P2RY8: variants seen among roughly 807,000 people sequenced by gnomAD.
P2RY8 encodes S-geranylgeranyl-glutathione receptor P2RY8.
P2RY8 carries 6 observed loss-of-function variants against 10.0 expected under a neutral mutation model. The observed-to-expected ratio is 0.60, with a 90% CI of 0.33 to 1.19. The LOEUF (loss-of-function observed/expected upper bound fraction) is 1.19. Among genes scored for constraint, P2RY8 ranks in the 50% most tolerant of loss-of-function variants. P2RY8 has a pLI of 0.04. For synonymous variants in P2RY8, 276 were observed against 252.5 expected, an observed-to-expected ratio of 1.09 and a Z score of -0.88; for missense variants, 456 against 542.0, an observed-to-expected ratio of 0.84 and a Z score of 1.58.
At chrX:1,531,396 C>G (rs185576966) in intron 1 of P2RY8, among the ~76,000 whole-genome samples, 2 of 152,154 alleles carry the variant, frequency 1.3e-5, no homozygotes, top group African/African-American at 4.8e-5. Flanking sequence ...CCTGCATGCC[C>G]TCTCCATCAG....
At chrX:1,520,257 T>G (rs2092381284) in intron 1 of P2RY8, among the ~76,000 whole-genome samples, 1 of 151,578 alleles carries the variant, frequency 6.6e-6, no homozygotes, top group African/African-American at 2.4e-5. Context: ...ATCCCAATAT[T>G]CTCTCTGGTC....
intron 1 of P2RY8, among the ~76,000 whole-genome samples, chrX:1,507,521 G>T (rs2092245750): frequency 6.6e-6 from 1 of 152,244 alleles, no homozygotes; most frequent in East Asian, 1.9e-4. Flanking sequence ...GCCGACGGTG[G>T]TTCGGAGCTG....
intron 1 of P2RY8, among the ~76,000 whole-genome samples, chrX:1,530,259 A>G (rs2092464974): frequency 6.7e-6 from 1 of 148,724 alleles, no homozygotes. Flanking sequence ...TCTATTACCT[A>G]TCATCACCAT....
At chrX:1,510,866 G>A (rs1364127428) in intron 1 of P2RY8, among the ~76,000 whole-genome samples, 1 of 151,584 alleles carries the variant, frequency 6.6e-6, no homozygotes, top group Admixed American at 6.6e-5. Context: ...GCAACAGAGT[G>A]TGACTCCGTC....
chrX:1,513,476 G>A (rs1195213085), intron 1 of P2RY8, among the ~76,000 whole-genome samples: 2 of 151,444 alleles, frequency 1.3e-5, no homozygotes, highest in Non-Finnish European at 2.9e-5. Context: ...CCCTGGGCTT[G>A]TGGCCGCATC....
intron 1 of P2RY8, among the ~76,000 whole-genome samples, chrX:1,502,528 G>C (rs1176802324): frequency 1.3e-5 from 2 of 152,236 alleles, no homozygotes; most frequent in South Asian, 4.1e-4. Flanking sequence ...CACGTGAGCC[G>C]CCCCTGTCCC....
intron 1 of P2RY8, among the ~76,000 whole-genome samples, chrX:1,534,963 C>A (rs1205133649): frequency 6.6e-6 from 1 of 152,014 alleles, no homozygotes; most frequent in Non-Finnish European, 1.5e-5. Context: ...GGGGACCTGG[C>A]AGAAGGCATC....
chrX:1,488,109 T>A (rs1342959266), intron 1 of P2RY8, among the ~76,000 whole-genome samples: 11 of 131,250 alleles, frequency 8.4e-5, no homozygotes, highest in African/African-American at 2.9e-4. Context: ...AAACTCTGTC[T>A]AAAAAAAAAA....
intron 1 of P2RY8, among the ~76,000 whole-genome samples, chrX:1,475,669 G>A (rs1413414803): frequency 6.6e-6 from 1 of 151,980 alleles, no homozygotes; most frequent in Non-Finnish European, 1.5e-5. Flanking sequence ...AGCATGAAAA[G>A]CACAAGATTA....
At chrX:1,505,127 G>T (rs1224166906) in intron 1 of P2RY8, among the ~76,000 whole-genome samples, 9 of 96,338 alleles carry the variant, frequency 9.3e-5, no homozygotes, top group African/African-American at 3.2e-4. Flanking sequence ...GACAGAGAGA[G>T]ACTCTGTCTC....
intron 1 of P2RY8, among the ~76,000 whole-genome samples, chrX:1,468,655 C>T (rs2091727271): frequency 6.6e-6 from 1 of 151,678 alleles, no homozygotes. Context: ...CCAGAAATTT[C>T]TGGGCACTGA....
chrX:1,498,142 C>A (rs2092134987), intron 1 of P2RY8, among the ~76,000 whole-genome samples: 1 of 152,046 alleles, frequency 6.6e-6, no homozygotes, highest in Non-Finnish European at 1.5e-5. Flanking sequence ...CGCGGTGGCT[C>A]ACGCCTGTCA....
intron 1 of P2RY8, among the ~76,000 whole-genome samples, chrX:1,518,425 C>CAA (rs545400196): frequency 8.0e-4 from 107 of 134,474 alleles, no homozygotes; most frequent in Admixed American, 2.0e-3. Flanking sequence ...GACTCCGTCT[C>CAA]AAAAAAAAAA....
chrX:1,464,716 TA>T lies in P2RY8; in HGVS notation c.*762del. ...CTATCAGGGACTCACAGAAGCAGAA[TA>T]GGGGTGGGGTCCCACCAAGCCAGGC... On this transcript the variant is annotated 3_prime_UTR_variant, in exon 2 of 2. Transcript: ENST00000381297. The T allele has an allele frequency of 4.3e-6, 1 of 233,132 alleles. No individual in the cohort carries two copies. The highest frequency in any genetic ancestry group is 8.5e-6 in the Non-Finnish European group (1 of 118,124). The allele number at this position is 233,132 out of a possible 1,614,324, so 14.4% of individuals were successfully genotyped here.
In P2RY8 at chrX:1,484,704, C is replaced by G. The variant is rs570353391; in HGVS notation, c.-24-18122G>C. ...GATCACACCACTGCACTCCAGCCTG[C>G]GTGACAGAGCAAAACCCTGTAAAAA... On this transcript the variant is annotated intron_variant, in intron 1 of 1. Coordinates refer to ENST00000381297, the MANE Select transcript of P2RY8 (RefSeq NM_178129.5). Among the ~76,000 whole-genome samples, 65 of 107,506 alleles carry G rather than the reference C, an allele frequency of 6.0e-4. 2 individuals are homozygous for G. In the South Asian group the frequency reaches 0.02, roughly 33 times the overall value. The allele number at this position is 107,506 out of a possible 152,430, so 70.5% of individuals were successfully genotyped here. A position where few individuals can be genotyped will look rare whatever the true frequency, so the allele number is the denominator to read the frequency against.
chrX:1,483,772 C>G (rs1351902766), intron 1 of P2RY8, among the ~76,000 whole-genome samples: 1 of 152,074 alleles, frequency 6.6e-6, no homozygotes, highest in Non-Finnish European at 1.5e-5. Flanking sequence ...TCCCCAAAAC[C>G]CAAAGTTGGA....
chrX:1,509,038 C>T (rs867763009), intron 1 of P2RY8, among the ~76,000 whole-genome samples: 15,814 of 113,904 alleles, frequency 0.14, no homozygotes, highest in Middle Eastern at 0.2. Flanking sequence ...ATCCATCCAT[C>T]CATTTATTCT....
chrX:1,490,122 A>C (rs1410701293), intron 1 of P2RY8, among the ~76,000 whole-genome samples: 23 of 140,628 alleles, frequency 1.6e-4, no homozygotes, highest in African/African-American at 5.9e-4. Flanking sequence ...ACTTCTGCAA[A>C]TGTAGAGAGA....
At chrX:1,512,926 G>A (rs4596823) in intron 1 of P2RY8, among the ~76,000 whole-genome samples, 137,587 of 151,718 alleles carry the variant, frequency 0.91, 63,637 homozygotes, top group South Asian at 1. Context: ...ATAGGTATCC[G>A]TATGCCATGG....
Sources: allele counts gnomAD v4.1 joint callset (sites outside exome capture counted in the v4.1 genomes callset), GRCh38; gene constraint gnomAD v4.1.1; transcripts MANE v1.5; gene names NCBI Gene and HGNC (gene_info 2026-07-23, HGNC 2026-07-21).